ZNF423: variants seen among roughly 807,000 people sequenced by gnomAD.
The protein encoded by ZNF423 is Ebf-associated zinc finger protein.
Under a neutral mutation model 95.8 loss-of-function variants are expected in ZNF423, and 12 were observed. The observed-to-expected ratio is 0.13, with a 90% CI of 0.08 to 0.20. ZNF423 has a LOEUF of 0.20. Ranked by LOEUF, ZNF423 falls within the 10% of genes least tolerant of loss-of-function variation. The pLI is 1.00. For missense variants in ZNF423, 1,316 were observed against 1,737.1 expected, an observed-to-expected ratio of 0.76 and a Z score of 4.31; for synonymous variants, 749 against 711.9, an observed-to-expected ratio of 1.05 and a Z score of -0.83.
chr16:49,799,288 G>A (rs903133505), intron 1 of ZNF423, among the ~76,000 whole-genome samples: 4 of 152,316 alleles, frequency 2.6e-5, no homozygotes, highest in African/African-American at 7.2e-5. Context: ...TCATGTTACT[G>A]GGATAATTCA....
chr16:49,710,765 A>G (rs2032518144), intron 3 of ZNF423, among the ~76,000 whole-genome samples: 1 of 152,334 alleles, frequency 6.6e-6, no homozygotes, highest in Admixed American at 6.5e-5. Context: ...AAGAGGTGAC[A>G]ACACGTGGCA....
In ZNF423 at chr16:49,532,978, C is replaced by A. The variant is rs1050481065; in HGVS notation, c.3602-7484G>T. Reference sequence around the variant, plus strand: ...ATCTGGGTAGAATGCCAATTCCACGCATGGGCACGTGGGTGTGGGTGGGAA... The same window carrying A: ...ATCTGGGTAGAATGCCAATTCCACGAATGGGCACGTGGGTGTGGGTGGGAA... On this transcript the variant is annotated intron_variant, in intron 5 of 7. Coordinates refer to ENST00000563137, the MANE Select transcript of ZNF423 (RefSeq NM_001379286.1). Among the ~76,000 whole-genome samples, 3 of 152,316 alleles carry A rather than the reference C, an allele frequency of 2.0e-5. No individual in the cohort carries two copies. The East Asian group carries it at 5.8e-4, about 29-fold the overall frequency.
chr16:49,807,020 C>T (rs912405283), intron 1 of ZNF423, among the ~76,000 whole-genome samples: 21 of 148,030 alleles, frequency 1.4e-4, no homozygotes, highest in Non-Finnish European at 2.5e-4. Flanking sequence ...GAGCAAGACT[C>T]TGACTCCAAA....
At chr16:49,812,480 G>A (rs2034768681) in intron 1 of ZNF423, among the ~76,000 whole-genome samples, 1 of 152,118 alleles carries the variant, frequency 6.6e-6, no homozygotes, top group Non-Finnish European at 1.5e-5. Flanking sequence ...GATCTTTGGA[G>A]GCCCAGGAGT....
intron 1 of ZNF423, among the ~76,000 whole-genome samples, chr16:49,848,060 C>T (rs1438125419): frequency 2.6e-5 from 4 of 151,842 alleles, no homozygotes; most frequent in East Asian, 1.9e-4. Flanking sequence ...ACTACGATCA[C>T]GTCACTGCAC....
intron 3 of ZNF423, among the ~76,000 whole-genome samples, chr16:49,658,761 T>C (rs1160333896): frequency 1.3e-5 from 2 of 152,166 alleles, no homozygotes; most frequent in Non-Finnish European, 2.9e-5. Context: ...GATTCCGGAG[T>C]GTGGGGCAGG....
At chr16:49,521,298 C>T (rs890513893) in intron 7 of ZNF423, among the ~76,000 whole-genome samples, 8 of 152,186 alleles carry the variant, frequency 5.3e-5, no homozygotes, top group East Asian at 1.9e-4. Flanking sequence ...GTAAATAAAT[C>T]GTAGTTTATA....
chr16:49,646,568 C>CTTTTTTTTTTTTTTTTTTTTTTTTTT, intron 3 of ZNF423, among the ~76,000 whole-genome samples: 9 of 120,740 alleles, frequency 7.5e-5, no homozygotes, highest in Non-Finnish European at 1.3e-4. Context: ...ATTTTCTTTT[C>CTTTTTTTTTTTTTTTTTTTTTTTTTT]TTTTTCTTTT....
intron 2 of ZNF423, among the ~76,000 whole-genome samples, chr16:49,750,966 C>G (rs1241428861): frequency 6.6e-6 from 1 of 152,108 alleles, no homozygotes; most frequent in Non-Finnish European, 1.5e-5. Context: ...GCCAGTGTGT[C>G]TACAGCACAG....
intron 3 of ZNF423, among the ~76,000 whole-genome samples, chr16:49,713,976 T>A (rs1174664571): frequency 6.6e-6 from 1 of 152,080 alleles, no homozygotes; most frequent in Admixed American, 6.5e-5. Context: ...CCATCACGCC[T>A]CCCACAGGGC....
intron 5 of ZNF423, among the ~76,000 whole-genome samples, chr16:49,541,206 C>G (rs751487830): frequency 3.9e-5 from 6 of 152,254 alleles, no homozygotes; most frequent in African/African-American, 7.2e-5. Flanking sequence ...CAGCACCTAA[C>G]AACCTGGCAC....
chr16:49,644,877 C>G (rs1973119209), intron 3 of ZNF423, among the ~76,000 whole-genome samples: 1 of 151,932 alleles, frequency 6.6e-6, no homozygotes, highest in Non-Finnish European at 1.5e-5. Flanking sequence ...CCAAGTAGAG[C>G]AAGAAAGGCA....
Position 49,491,197 on chromosome 16 carries a change from G to T in ZNF423, c.*78C>A. 6.4e-7 allele frequency: 1 copy of T among 1,562,900 alleles called. No individual in the cohort carries two copies. The highest frequency in any genetic ancestry group is 8.8e-7 in the Non-Finnish European group (1 of 1,134,164). On this transcript the variant is annotated 3_prime_UTR_variant, in exon 8 of 8. Coordinates refer to ENST00000563137, the MANE Select transcript of ZNF423 (RefSeq NM_001379286.1). ...CTGGGTTGCAAATGACACTTTGATT[G>T]GATGTAATGTTCAAATGGCCCTCCC...
chr16:49,644,064 T>C (rs988448190), intron 3 of ZNF423, among the ~76,000 whole-genome samples: 5 of 152,178 alleles, frequency 3.3e-5, no homozygotes, highest in African/African-American at 1.2e-4. Flanking sequence ...GAGCCACAGC[T>C]CACGGCTCCT....
intron 7 of ZNF423, among the ~76,000 whole-genome samples, chr16:49,513,508 G>A (rs555293185): frequency 5.3e-5 from 8 of 152,272 alleles, no homozygotes; most frequent in East Asian, 1.9e-4. Flanking sequence ...CATCTTATAA[G>A]GACCAGGGAT....
In ZNF423 at chr16:49,745,480, T is replaced by G. The variant is rs76443528; in HGVS notation, c.101-14509A>C. On this transcript the variant is annotated intron_variant, in intron 2 of 7. Coordinates refer to ENST00000563137, the MANE Select transcript of ZNF423 (RefSeq NM_001379286.1). ...AAGGCATGGCAGGCAAGCCCAAACT[T>G]AAAGACTGCATCTGATCAGAAACAT... Among the ~76,000 whole-genome samples, 1,164 of 152,286 alleles carry G rather than the reference T, an allele frequency of 7.6e-3. 22 individuals are homozygous for G. The highest frequency in any genetic ancestry group is 0.027 in the African/African-American group (1,108 of 41,548).
intron 5 of ZNF423, among the ~76,000 whole-genome samples, chr16:49,555,831 G>A (rs948887975): frequency 7.9e-5 from 12 of 152,178 alleles, no homozygotes; most frequent in African/African-American, 2.9e-4. Context: ...ATGGAGAGAT[G>A]GATGTGTGGA....
At chr16:49,808,085 A>G (rs2034693701) in intron 1 of ZNF423, among the ~76,000 whole-genome samples, 1 of 151,858 alleles carries the variant, frequency 6.6e-6, no homozygotes, top group East Asian at 1.9e-4. Context: ...TTATAGGGAC[A>G]AAATCTTGCT....
At chr16:49,559,358 G>C (rs1242930864) in intron 5 of ZNF423, among the ~76,000 whole-genome samples, 1 of 152,218 alleles carries the variant, frequency 6.6e-6, no homozygotes, top group Non-Finnish European at 1.5e-5. Context: ...CTGCTAATGA[G>C]GTATGGTGGG....
Sources: allele counts gnomAD v4.1 joint callset (sites outside exome capture counted in the v4.1 genomes callset), GRCh38; gene constraint gnomAD v4.1.1; transcripts MANE v1.5; gene names NCBI Gene and HGNC (gene_info 2026-07-23, HGNC 2026-07-21).